The following CBFA2T2 variants were observed in gnomAD, a reference collection of about 807,000 sequenced individuals.
The protein encoded by CBFA2T2 is CBFA2/RUNX1 partner transcriptional co-repressor 2, also known as protein CBFA2T2.
A neutral mutation model predicts 62.2 loss-of-function variants in CBFA2T2; 11 were observed. The observed-to-expected ratio is 0.18, with a 90% confidence interval of 0.11 to 0.29. CBFA2T2 has a LOEUF of 0.29. Ranked by LOEUF, CBFA2T2 falls within the 10% of genes least tolerant of loss-of-function variation. The pLI is 1.00. For synonymous variants in CBFA2T2, 295 were observed against 287.5 expected (o/e 1.03, Z -0.27); for missense variants, 592 against 774.1 (o/e 0.76, Z 2.79).
At chr20:33,565,214 C>T (rs914256328) in intron 1 of CBFA2T2, among the ~76,000 whole-genome samples, 7 of 152,132 alleles carry the variant, frequency 4.6e-5, no homozygotes, top group African/African-American at 1.7e-4. Context: ...CCACTGCGCC[C>T]GGCTCCAAGT....
intron 1 of CBFA2T2, among the ~76,000 whole-genome samples, chr20:33,545,576 A>G (rs1230866772): frequency 6.6e-6 from 1 of 152,006 alleles, no homozygotes; most frequent in Non-Finnish European, 1.5e-5. Flanking sequence ...CCTCCTGAGT[A>G]GCTGGGATTA....
rs1224607195 is a variant in CBFA2T2 at position 33,494,257 on chromosome 20, A to G, written c.34+3956A>G. ...CATATATATGTGTATATATATATAT[A>G]TATATATATATATATATTTTTTTTT... On this transcript the variant is annotated intron_variant, in intron 1 of 10. Transcript: ENST00000342704. 1.7e-4 allele frequency among the ~76,000 whole-genome samples: 12 copies of G among 70,420 alleles called. 1 individual carries two copies. The South Asian group carries it at 1.7e-3, about 10-fold the overall frequency. The allele number at this position is 70,420 out of a possible 152,430, so 46.2% of individuals were successfully genotyped here.
At chr20:33,596,025 A>G (rs2014870129) in intron 1 of CBFA2T2, among the ~76,000 whole-genome samples, 1 of 152,098 alleles carries the variant, frequency 6.6e-6, no homozygotes. Context: ...ACAATAGCCT[A>G]CCTTTGACTA....
intron 1 of CBFA2T2, among the ~76,000 whole-genome samples, chr20:33,536,747 C>T (rs887758042): frequency 6.7e-6 from 1 of 150,184 alleles, no homozygotes; most frequent in South Asian, 2.1e-4. Context: ...GGGGCAGAGG[C>T]GCTCCCCACA....
intron 3 of CBFA2T2, among the ~76,000 whole-genome samples, chr20:33,613,647 C>A (rs1357269513): frequency 6.6e-6 from 1 of 152,180 alleles, no homozygotes; most frequent in Non-Finnish European, 1.5e-5. Flanking sequence ...AGAAGGAAAA[C>A]CCGTGTTTAG....
At chr20:33,619,476 G>T in intron 3 of CBFA2T2, 41 bp from the exon 4 acceptor site, 1 of 1,139,948 alleles carries the variant, frequency 8.8e-7, no homozygotes, top group Non-Finnish European at 1.2e-6. Context: ...AGTTTTGGAA[G>T]TCCAGTTTTG....
At chr20:33,628,501 C>G in intron 7 of CBFA2T2, 66 bp downstream of exon 7, 1 of 1,104,648 alleles carries the variant, frequency 9.1e-7, no homozygotes, top group Non-Finnish European at 1.4e-6. Context: ...AGGAGTCTCG[C>G]TCTGTCACCC....
Position 33,643,825 on chromosome 20 carries a change from A to G in CBFA2T2, c.1489-522A>G, listed in dbSNP as rs1298761404. ...TATATATATATATATATAGTATATAATGTGTGTGTGTGTGTGTGTGTGTGT... is the reference window on the plus strand; with the variant it reads ...TATATATATATATATATAGTATATAGTGTGTGTGTGTGTGTGTGTGTGTGT... On this transcript the variant is annotated intron_variant, in intron 10 of 10. Coordinates refer to ENST00000342704, the MANE Select transcript of CBFA2T2 (RefSeq NM_001032999.3). Among the ~76,000 whole-genome samples, 132 of 73,318 alleles carry G rather than the reference A, an allele frequency of 1.8e-3. 1 individual carries two copies. The highest frequency in any genetic ancestry group is 2.3e-3 in the Non-Finnish European group (88 of 38,290). 48.1% of individuals were successfully genotyped at this position (73,318 alleles called of 152,430 possible).
At chr20:33,562,370 G>A (rs2013115786) in intron 1 of CBFA2T2, 1 of 985,994 alleles carries the variant, frequency 1.0e-6, no homozygotes, top group South Asian at 4.7e-5. Context: ...AGGAGGGAGG[G>A]AGAAAAAGAG....
chr20:33,599,261 A>G (rs1384946723), intron 1 of CBFA2T2, among the ~76,000 whole-genome samples: 1 of 150,860 alleles, frequency 6.6e-6, no homozygotes, highest in Non-Finnish European at 1.5e-5. Flanking sequence ...CTCTGTCTCA[A>G]GAGAAAAAAA....
At chr20:33,602,454 C>G (rs756293161) in intron 1 of CBFA2T2, among the ~76,000 whole-genome samples, 3 of 144,876 alleles carry the variant, frequency 2.1e-5, no homozygotes, top group Non-Finnish European at 4.5e-5. Context: ...AAAAAAAAAA[C>G]TCAAAAGCAA....
intron 1 of CBFA2T2, among the ~76,000 whole-genome samples, chr20:33,519,409 G>T (rs374654155): frequency 6.6e-6 from 1 of 152,198 alleles, no homozygotes; most frequent in Admixed American, 6.5e-5. Context: ...GGTGGTGGTT[G>T]CAATGAGTCG....
chr20:33,564,362 A>G (rs571050541), intron 1 of CBFA2T2, among the ~76,000 whole-genome samples: 24 of 150,872 alleles, frequency 1.6e-4, no homozygotes, highest in Admixed American at 1.4e-3. Context: ...TCCCGGGTTC[A>G]AGCTATTCTG....
intron 1 of CBFA2T2, among the ~76,000 whole-genome samples, chr20:33,595,983 G>T (rs944601285): frequency 2.0e-5 from 3 of 152,212 alleles, no homozygotes; most frequent in Non-Finnish European, 4.4e-5. Flanking sequence ...AGGATTCACA[G>T]TCACAGTTTC....
chr20:33,497,604 C>T (rs1266166918), intron 1 of CBFA2T2, among the ~76,000 whole-genome samples: 5 of 140,080 alleles, frequency 3.6e-5, no homozygotes, highest in South Asian at 2.2e-4. Flanking sequence ...GGCTACAGTG[C>T]GGTAGTGTGA....
intron 1 of CBFA2T2, among the ~76,000 whole-genome samples, chr20:33,553,419 A>G (rs968654997): frequency 1.3e-5 from 2 of 152,184 alleles, no homozygotes; most frequent in African/African-American, 4.8e-5. Context: ...TTTAGTAGAG[A>G]CATGGTTTCA....
At chr20:33,554,036 T>C (rs1162206532) in intron 1 of CBFA2T2, among the ~76,000 whole-genome samples, 1 of 152,054 alleles carries the variant, frequency 6.6e-6, no homozygotes. Context: ...TTGGGATAGA[T>C]TAAAATGTAG....
rs8124399 is a variant in CBFA2T2 at position 33,530,816 on chromosome 20, C to A, written c.34+40515C>A. On this transcript the variant is annotated intron_variant, in intron 1 of 10. Coordinates refer to ENST00000342704, the MANE Select transcript of CBFA2T2 (RefSeq NM_001032999.3). ...AAAGATGGCGCCAGGCGCGGTGGCT[C>A]ACACCTGTAATCCCAGCACTTTGGG... 7.0e-3 allele frequency among the ~76,000 whole-genome samples: 1,073 copies of A among 152,216 alleles called. 17 individuals are homozygous for A. The highest frequency in any genetic ancestry group is 0.025 in the African/African-American group (1,038 of 41,544).
At chr20:33,626,757 A>G (rs542859687) in intron 6 of CBFA2T2, among the ~76,000 whole-genome samples, 1 of 152,322 alleles carries the variant, frequency 6.6e-6, no homozygotes, top group Admixed American at 6.5e-5. Flanking sequence ...ACGCTTGGCC[A>G]CAGTGGGGCC....
Sources: gnomAD v4.1 joint callset for allele counts (sites outside exome capture counted in the v4.1 genomes callset) on GRCh38, gnomAD v4.1.1 for gene constraint, MANE v1.5 for transcripts, NCBI Gene and HGNC (gene_info 2026-07-23, HGNC 2026-07-21) for gene names.